CTNNA3: variants seen among roughly 807,000 people sequenced by gnomAD.
CTNNA3 encodes the protein catenin alpha-3.
A neutral mutation model predicts 95.7 loss-of-function variants in CTNNA3; 76 were observed. That is an observed-to-expected ratio of 0.79 (90% CI 0.66 to 0.96). The LOEUF (loss-of-function observed/expected upper bound fraction) is 0.96, where lower values mean the gene tolerates loss of function less well. CTNNA3 is among the 40% of genes least tolerant of loss of function. The pLI, the probability that CTNNA3 is intolerant of heterozygous loss-of-function variation, is 0.00. For missense variants in CTNNA3, 1,191 were observed against 1,089.8 expected (o/e 1.09, Z -1.31); for synonymous variants, 431 against 374.4 (o/e 1.15, Z -1.74).
chr10:67,170,454 C>T (rs1041141874), intron 7 of CTNNA3, among the ~76,000 whole-genome samples: 7 of 152,148 alleles, frequency 4.6e-5, no homozygotes, highest in Non-Finnish European at 1.0e-4. Context: ...ATAATGAGAT[C>T]GTGTCTTTTG....
chr10:66,992,932 G>C (rs1755516319), intron 7 of CTNNA3, among the ~76,000 whole-genome samples: 1 of 151,970 alleles, frequency 6.6e-6, no homozygotes, highest in South Asian at 2.1e-4. Flanking sequence ...TTATTATACT[G>C]TTTTAATTGT....
chr10:67,683,284 A>G (rs1050646050), intron 1 of CTNNA3, among the ~76,000 whole-genome samples: 1 of 152,198 alleles, frequency 6.6e-6, no homozygotes, highest in African/African-American at 2.4e-5. Context: ...TTTATGTATT[A>G]CTCTGTCTTC....
intron 3 of CTNNA3, among the ~76,000 whole-genome samples, chr10:67,563,386 T>C (rs552055510): frequency 1.2e-4 from 18 of 152,178 alleles, no homozygotes; most frequent in African/African-American, 4.3e-4. Context: ...AAACTAGAAA[T>C]GAGGAAAGGA....
rs61869369 is a variant in CTNNA3 at position 66,544,222 on chromosome 10, C to T, written c.1375-23449G>A. On this transcript the variant is annotated intron_variant, in intron 10 of 17. Coordinates refer to ENST00000433211, the MANE Select transcript of CTNNA3 (RefSeq NM_013266.4). Reference sequence around the variant, plus strand: ...CCAATTTCCCAGTAAATGTATTAGCCTCCTAGTAAATTACCCTTTCCCACC... The same window carrying T: ...CCAATTTCCCAGTAAATGTATTAGCTTCCTAGTAAATTACCCTTTCCCACC... 3.6e-3 allele frequency among the ~76,000 whole-genome samples: 552 copies of T among 151,956 alleles called. 1 individual carries two copies. The highest frequency in any genetic ancestry group is 5.3e-3 in the Non-Finnish European group (361 of 67,946).
intron 7 of CTNNA3, among the ~76,000 whole-genome samples, chr10:66,899,691 C>G (rs139268559): frequency 6.6e-6 from 1 of 152,122 alleles, no homozygotes; most frequent in Non-Finnish European, 1.5e-5. Context: ...GCAGACCAGG[C>G]GATTCCCTCC....
chr10:66,423,929 A>G (rs2093218017), intron 11 of CTNNA3, among the ~76,000 whole-genome samples: 1 of 152,186 alleles, frequency 6.6e-6, no homozygotes, highest in Non-Finnish European at 1.5e-5. Flanking sequence ...GGCCAGGGCC[A>G]AAGGTGGAAG....
At chr10:66,817,259 C>T (rs6480218) in intron 7 of CTNNA3, among the ~76,000 whole-genome samples, 1 of 151,774 alleles carries the variant, frequency 6.6e-6, no homozygotes, top group Admixed American at 6.6e-5. Flanking sequence ...TTTTAAAAAA[C>T]AAGTTAGCAA....
intron 13 of CTNNA3, among the ~76,000 whole-genome samples, chr10:66,277,447 G>A (rs2091419673): frequency 1.3e-5 from 2 of 152,048 alleles, no homozygotes; most frequent in South Asian, 4.1e-4. Context: ...ATACTTTGCA[G>A]TTCTAAGGCC....
intron 7 of CTNNA3, among the ~76,000 whole-genome samples, chr10:67,095,690 G>A (rs995245222): frequency 6.6e-6 from 1 of 151,684 alleles, no homozygotes; most frequent in Non-Finnish European, 1.5e-5. Context: ...GCATATATGA[G>A]GCATAAGTTT....
chr10:66,100,746 C>T (rs1203670215), intron 14 of CTNNA3, among the ~76,000 whole-genome samples: 1 of 152,066 alleles, frequency 6.6e-6, no homozygotes, highest in Admixed American at 6.6e-5. Flanking sequence ...TACTTTGGAC[C>T]AAGAACAAAA....
At position 66,440,205 on chromosome 10, in the gene CTNNA3, G is replaced by A. The variant is rs964993361; in HGVS notation, c.1532-60853C>T. Among the ~76,000 whole-genome samples the A allele has an allele frequency of 9.2e-5, 14 of 152,220 alleles. No homozygotes were observed. In the East Asian group the frequency reaches 2.3e-3, roughly 25 times the overall value. ...ATGCGAGCCAAAATGGGCTCAATGT[G>A]ACTGTCAGGAAAAATGATATCTTTG... On this transcript the variant is annotated intron_variant, in intron 11 of 17. Transcript: ENST00000433211.
intron 1 of CTNNA3, among the ~76,000 whole-genome samples, chr10:67,762,701 T>G (rs1270827852): frequency 1.3e-5 from 2 of 151,832 alleles, no homozygotes; most frequent in Non-Finnish European, 2.9e-5. Context: ...AAAGAAGAAG[T>G]AAAAACTAAA....
chr10:65,917,633 G>A lies in CTNNA3; in HGVS notation c.*2697C>T, dbSNP rs1400799311. ...TTGATTTCGTTAAAAAGAAAGGTGAGTTCTTATTAGCAGGATCAAGCAAAT... is the reference window on the plus strand; with the variant it reads ...TTGATTTCGTTAAAAAGAAAGGTGAATTCTTATTAGCAGGATCAAGCAAAT... On this transcript the variant is annotated 3_prime_UTR_variant, in exon 18 of 18. Transcript: ENST00000433211. 6.6e-6 allele frequency: 1 copy of A among 152,096 alleles called. No individual in the cohort carries two copies. The highest frequency in any genetic ancestry group is 1.5e-5 in the Non-Finnish European group (1 of 68,000). 9.4% of individuals were successfully genotyped at this position (152,096 alleles called of 1,614,324 possible).
At chr10:66,941,333 G>A (rs567491302) in intron 7 of CTNNA3, among the ~76,000 whole-genome samples, 3 of 152,250 alleles carry the variant, frequency 2.0e-5, no homozygotes, top group African/African-American at 2.4e-5. Context: ...TACATTTCTC[G>A]AGTGCATTTT....
chr10:66,191,028 T>C (rs990318746), intron 13 of CTNNA3, among the ~76,000 whole-genome samples: 1 of 152,112 alleles, frequency 6.6e-6, no homozygotes, highest in African/African-American at 2.4e-5. Flanking sequence ...GTGAGATTTC[T>C]GGATCAAGTC....
chr10:67,199,155 A>G (rs1863517639), intron 6 of CTNNA3, among the ~76,000 whole-genome samples: 1 of 152,166 alleles, frequency 6.6e-6, no homozygotes, highest in Non-Finnish European at 1.5e-5. Context: ...AAAGAAAGTG[A>G]AAGTAAAGAA....
intron 13 of CTNNA3, among the ~76,000 whole-genome samples, chr10:66,259,741 A>G (rs2090926717): frequency 6.6e-6 from 1 of 152,110 alleles, no homozygotes; most frequent in Non-Finnish European, 1.5e-5. Flanking sequence ...GCCTCACTAT[A>G]TTGACTATTA....
intron 12 of CTNNA3, among the ~76,000 whole-genome samples, chr10:66,369,964 A>G (rs571315484): frequency 6.6e-6 from 1 of 152,228 alleles, no homozygotes; most frequent in South Asian, 2.1e-4. Flanking sequence ...CATGAAAGAC[A>G]TAGTTGGGAA....
At chr10:66,331,501 G>A (rs1031138364) in intron 12 of CTNNA3, among the ~76,000 whole-genome samples, 13 of 150,678 alleles carry the variant, frequency 8.6e-5, no homozygotes, top group African/African-American at 1.7e-4. Context: ...CTACAGGCGC[G>A]CACCACCATG....
Sources: allele counts gnomAD v4.1 joint callset (sites outside exome capture counted in the v4.1 genomes callset), GRCh38; gene constraint gnomAD v4.1.1; transcripts MANE v1.5; gene names NCBI Gene and HGNC (gene_info 2026-07-23, HGNC 2026-07-21).